Variants in VPS13B observed in about 807,000 individuals in gnomAD.
The protein encoded by VPS13B is intermembrane lipid transfer protein VPS13B.
Under a neutral mutation model 426.4 loss-of-function variants are expected in VPS13B, and 285 were observed. The ratio of observed to expected loss-of-function variants is 0.67; its 90% CI spans 0.61 to 0.74. VPS13B has a LOEUF of 0.74. Among genes scored for constraint, VPS13B ranks in the 30% least tolerant of loss-of-function variants. The pLI is 0.00. For missense variants in VPS13B, 4,537 were observed against 4,782.6 expected (o/e 0.95, Z 1.51); for synonymous variants, 1,676 against 1,676.4 (o/e 1.00, Z 0.01).
chr8:99,074,849 C>G (rs1488343081), intron 3 of VPS13B, among the ~76,000 whole-genome samples: 1 of 151,992 alleles, frequency 6.6e-6, no homozygotes, highest in Non-Finnish European at 1.5e-5. Context: ...GTTGGTCAGG[C>G]TGGTCTCGAA....
chr8:99,703,922 G>T (rs1455336851), intron 36 of VPS13B, among the ~76,000 whole-genome samples: 1 of 152,070 alleles, frequency 6.6e-6, no homozygotes, highest in Non-Finnish European at 1.5e-5. Flanking sequence ...CACTTAGATT[G>T]GCAGCCTCCA....
chr8:99,821,119 C>CACACACACACAA (rs1814338571), intron 49 of VPS13B, among the ~76,000 whole-genome samples, 175 bp from the exon 50 acceptor site: 1 of 130,818 alleles, frequency 7.6e-6, no homozygotes, highest in African/African-American at 2.8e-5. Flanking sequence ...CACACACACA[C>CACACACACACAA]ACACACACAC....
chr8:99,590,909 T>C (rs1826621088), intron 33 of VPS13B, among the ~76,000 whole-genome samples: 1 of 152,148 alleles, frequency 6.6e-6, no homozygotes, highest in African/African-American at 2.4e-5. Context: ...TTCTGTCTCA[T>C]TGATCTCTCT....
intron 34 of VPS13B, among the ~76,000 whole-genome samples, chr8:99,653,465 ATT>A (rs34923754): frequency 3.9e-4 from 53 of 136,816 alleles, no homozygotes; most frequent in East Asian, 1.0e-3. Flanking sequence ...ATGTGACTTC[ATT>A]TTTTTTTTTT....
chr8:99,367,945 C>T (rs1181689660), intron 19 of VPS13B, among the ~76,000 whole-genome samples: 1 of 152,180 alleles, frequency 6.6e-6, no homozygotes, highest in Non-Finnish European at 1.5e-5. Context: ...TGAGCCACCG[C>T]ACCTGACCAT....
At chr8:99,281,292 C>T (rs1412424501) in intron 19 of VPS13B, among the ~76,000 whole-genome samples, 2 of 152,206 alleles carry the variant, frequency 1.3e-5, no homozygotes, top group Admixed American at 6.5e-5. Flanking sequence ...TAACAGGCCA[C>T]GGACTAGTAC....
At chr8:99,666,608 AC>A (rs1261124757) in intron 35 of VPS13B, among the ~76,000 whole-genome samples, 2 of 152,018 alleles carry the variant, frequency 1.3e-5, no homozygotes, top group African/African-American at 4.8e-5. Flanking sequence ...AAATTCAACA[AC>A]CCTTCATGCT....
intron 33 of VPS13B, among the ~76,000 whole-genome samples, chr8:99,618,519 C>T (rs986072670): frequency 6.6e-6 from 1 of 152,152 alleles, no homozygotes; most frequent in African/African-American, 2.4e-5. Flanking sequence ...AAGAACTCAT[C>T]TAGACTTTTT....
intron 19 of VPS13B, among the ~76,000 whole-genome samples, chr8:99,293,689 T>C (rs912720713): frequency 3.3e-5 from 5 of 151,242 alleles, no homozygotes; most frequent in African/African-American, 1.2e-4. Context: ...CTCAAACAAA[T>C]TTACAAGAAA....
intron 8 of VPS13B, among the ~76,000 whole-genome samples, chr8:99,127,252 A>G (rs1043877177): frequency 7.9e-5 from 12 of 152,128 alleles, no homozygotes; most frequent in African/African-American, 2.9e-4. Context: ...TCTATCTACA[A>G]ACTCCCAAGG....
intron 19 of VPS13B, among the ~76,000 whole-genome samples, chr8:99,308,677 T>A (rs953457858): frequency 3.9e-5 from 6 of 152,212 alleles, no homozygotes; most frequent in African/African-American, 1.4e-4. Context: ...TGATTTATAA[T>A]CCTTTGGGTG....
chr8:99,711,217 A>G (rs1310768210), intron 36 of VPS13B, among the ~76,000 whole-genome samples: 1 of 152,184 alleles, frequency 6.6e-6, no homozygotes, highest in African/African-American at 2.4e-5. Context: ...TGTGTGCAGT[A>G]TGTGTAGCAG....
At chr8:99,401,128 G>A (rs1238348035) in intron 21 of VPS13B, among the ~76,000 whole-genome samples, 1 of 152,118 alleles carries the variant, frequency 6.6e-6, no homozygotes, top group African/African-American at 2.4e-5. Context: ...GATGAAAAGG[G>A]CATCATTGAC....
intron 39 of VPS13B, among the ~76,000 whole-genome samples, chr8:99,728,054 C>T (rs546542558): frequency 6.6e-6 from 1 of 152,288 alleles, no homozygotes; most frequent in South Asian, 2.1e-4. Flanking sequence ...CTGGTTGAGC[C>T]AACATCAGTA....
chr8:99,254,285 C>T (rs751389899), intron 17 of VPS13B, among the ~76,000 whole-genome samples: 2 of 151,824 alleles, frequency 1.3e-5, no homozygotes, highest in African/African-American at 2.4e-5. Flanking sequence ...TTGTTTTCTC[C>T]TTCATTCCTG....
At chr8:99,639,413 G>C (rs1829210489) in intron 33 of VPS13B, among the ~76,000 whole-genome samples, 1 of 152,072 alleles carries the variant, frequency 6.6e-6, no homozygotes, top group Non-Finnish European at 1.5e-5. Flanking sequence ...TCCAAGAAAG[G>C]AAAGAGCACA....
intron 20 of VPS13B, among the ~76,000 whole-genome samples, chr8:99,388,469 C>A (rs1814247597): frequency 6.6e-6 from 1 of 151,796 alleles, no homozygotes; most frequent in Non-Finnish European, 1.5e-5. Context: ...CTATGAAAAG[C>A]TTTAGGTATT....
intron 3 of VPS13B, among the ~76,000 whole-genome samples, chr8:99,059,083 C>T (rs1020903836): frequency 6.6e-6 from 1 of 152,186 alleles, no homozygotes; most frequent in African/African-American, 2.4e-5. Context: ...TAACACTGTA[C>T]TGAATGCTAT....
intron 23 of VPS13B, among the ~76,000 whole-genome samples, chr8:99,460,420 A>G (rs1375445274): frequency 6.6e-6 from 1 of 152,088 alleles, no homozygotes; most frequent in African/African-American, 2.4e-5. Context: ...ATATAACCCA[A>G]TGTTACAGTT....
Sources: allele counts gnomAD v4.1 joint callset (sites outside exome capture counted in the v4.1 genomes callset), GRCh38; gene constraint gnomAD v4.1.1; transcripts MANE v1.5; gene names NCBI Gene and HGNC (gene_info 2026-07-23, HGNC 2026-07-21).